The following LRP5 variants were observed in gnomAD, a reference collection of about 807,000 sequenced individuals.
LRP5 encodes the protein low-density lipoprotein receptor-related protein 5.
In LRP5, 62 loss-of-function variants were observed where a neutral mutation model predicts 154.1. That is an observed-to-expected ratio of 0.40 (90% CI 0.33 to 0.50). The LOEUF is 0.50. Ranked by LOEUF, LRP5 falls within the 20% of genes least tolerant of loss-of-function variation. The pLI is 0.55. For missense variants in LRP5, 1,915 were observed against 2,336.7 expected, an observed-to-expected ratio of 0.82 and a Z score of 3.72; for synonymous variants, 966 against 1,011.5, an observed-to-expected ratio of 0.96 and a Z score of 0.85.
chr11:68,425,397 G>A (rs544643003), intron 15 of LRP5, 105 bp downstream of exon 15: 49 of 1,198,084 alleles, frequency 4.1e-5, no homozygotes, highest in Middle Eastern at 2.7e-4. Flanking sequence ...CCAGTGCCGC[G>A]CCAGGGGCTT....
At chr11:68,356,758 A>G (rs966765057) in intron 2 of LRP5, among the ~76,000 whole-genome samples, 1 of 151,928 alleles carries the variant, frequency 6.6e-6, no homozygotes, top group Non-Finnish European at 1.5e-5. Context: ...TCTGTGCTCC[A>G]CTCATTCATC....
At chr11:68,335,597 T>A (rs1055827990) in intron 1 of LRP5, among the ~76,000 whole-genome samples, 1 of 152,070 alleles carries the variant, frequency 6.6e-6, no homozygotes, top group Non-Finnish European at 1.5e-5. Flanking sequence ...TATTGTTGAT[T>A]CATTAACATT....
chr11:68,413,544 G>T lies in LRP5; in HGVS notation c.2504-145G>T. 1.4e-6 allele frequency: 1 copy of T among 735,130 alleles called. No individual in the cohort carries two copies. The highest frequency in any genetic ancestry group is 2.4e-6 in the Non-Finnish European group (1 of 416,064). 45.5% of individuals were successfully genotyped at this position (735,130 alleles called of 1,614,324 possible). On this transcript the variant is annotated intron_variant, in intron 11 of 22. Transcript: ENST00000294304. This position sits in a 1 kb window ranked among gnomAD's most constrained non-coding sequence, Gnocchi z 5.1. ...TGCCTGCGCTTCAGTGGATCTTGCT[G>T]GTTTTCCAAGGTGGCCAAACACTTT...
At chr11:68,395,554 C>G (rs2098648829) in intron 7 of LRP5, among the ~76,000 whole-genome samples, 1 of 152,094 alleles carries the variant, frequency 6.6e-6, no homozygotes, top group Admixed American at 6.5e-5. Flanking sequence ...TGCAGGCCTT[C>G]TCAGCGCCCT....
intron 7 of LRP5, among the ~76,000 whole-genome samples, chr11:68,392,986 C>T (rs538268281): frequency 1.4e-4 from 22 of 152,058 alleles, no homozygotes; most frequent in African/African-American, 5.3e-4. Context: ...GTTAACTGAA[C>T]GTGGTGGTGG....
intron 5 of LRP5, among the ~76,000 whole-genome samples, chr11:68,373,399 C>T (rs1219893741): frequency 2.6e-5 from 4 of 152,112 alleles, no homozygotes; most frequent in African/African-American, 9.7e-5. Context: ...CGGGGGGGGC[C>T]CCGCACTGCT....
At chr11:68,343,920 C>A (rs1390914030) in intron 1 of LRP5, among the ~76,000 whole-genome samples, 1 of 152,122 alleles carries the variant, frequency 6.6e-6, no homozygotes, top group Non-Finnish European at 1.5e-5. Flanking sequence ...GGGGCAGGGA[C>A]CTGGGCTCCT....
chr11:68,425,286 C>T lies in LRP5; in HGVS notation c.3421C>T (p.Leu1141=), dbSNP rs765799138. ...CCTGAAGCGCATTGAGAGCTGTGAC[C>T]TGTCAGGTACGCGCCCCGGGGCCTG... ...ADLKRIESCD[L]SGANRLTLED... The change falls in exon 15 of 23, where the codon CTG becomes TTG. Residue 1141 remains leucine (L), a synonymous_variant. Coordinates refer to ENST00000294304, the MANE Select transcript of LRP5 (RefSeq NM_002335.4). 5.0e-6 allele frequency: 8 copies of T among 1,607,302 alleles called. No individual in the cohort carries two copies. Among genetic ancestry groups the T allele is most frequent in the Admixed American group, 1.7e-5 (1 of 59,948 alleles).
intron 17 of LRP5, 100 bp from the exon 18 acceptor site, chr11:68,433,502 C>A: frequency 2.8e-6 from 3 of 1,062,278 alleles, no homozygotes; most frequent in Non-Finnish European, 4.4e-6. Flanking sequence ...CAAACCCGCG[C>A]TGAGTCCCTC....
intron 5 of LRP5, among the ~76,000 whole-genome samples, chr11:68,376,171 CTTT>C (rs60401481): frequency 1.5e-4 from 14 of 92,828 alleles, no homozygotes; most frequent in Non-Finnish European, 1.6e-4. Context: ...GGCCCTGCTT[CTTT>C]TTTTTTTTTT....
chr11:68,396,407 A>C (rs1216489883), intron 7 of LRP5, among the ~76,000 whole-genome samples: 1 of 151,934 alleles, frequency 6.6e-6, no homozygotes, highest in Admixed American at 6.6e-5. Context: ...GGCTGTGTGG[A>C]GCTGGGCGCT....
chr11:68,382,170 C>G (rs961713789), intron 5 of LRP5, among the ~76,000 whole-genome samples: 1 of 152,202 alleles, frequency 6.6e-6, no homozygotes, highest in African/African-American at 2.4e-5. Context: ...ACAGATTCAC[C>G]CCAGCAGTGA....
rs1565124173 is a variant in LRP5, at chr11:68,445,594, C to T, written c.4489-842C>T. 3 of 1,316,864 alleles carry T rather than the reference C, an allele frequency of 2.3e-6. No homozygotes were observed. In the South Asian group the frequency reaches 3.7e-5, roughly 16 times the overall value. The allele number at this position is 1,316,864 out of a possible 1,614,324, so 81.6% of individuals were successfully genotyped here. On this transcript the variant is annotated intron_variant, in intron 21 of 22. Transcript: ENST00000294304. Reference sequence around the variant, plus strand: ...GCAGGGGCTCGGATCTGGCTGTATGCTTTCCAGGATGGCCTTGGAGACCCA... The same window carrying T: ...GCAGGGGCTCGGATCTGGCTGTATGTTTTCCAGGATGGCCTTGGAGACCCA...
chr11:68,318,895 C>A (rs530294739), intron 1 of LRP5, among the ~76,000 whole-genome samples: 2 of 152,252 alleles, frequency 1.3e-5, no homozygotes, highest in African/African-American at 4.8e-5. Flanking sequence ...GCCTCAGTTT[C>A]CTTTTTTTGT....
chr11:68,420,302 C>A (rs115035695), intron 13 of LRP5, among the ~76,000 whole-genome samples: 1,869 of 152,246 alleles, frequency 0.012, 21 homozygotes, highest in African/African-American at 0.031. Flanking sequence ...GGAATTATAC[C>A]AATATTTGCC....
At chr11:68,421,221 CGTCTCACGCAAAACTCT>C (rs1207896614) in intron 13 of LRP5, among the ~76,000 whole-genome samples, 1 of 152,074 alleles carries the variant, frequency 6.6e-6, no homozygotes, top group Non-Finnish European at 1.5e-5. Context: ...AGCAAGACTC[CGTCTCACGCAAAACTCT>C]GTCTCACGCA....
intron 9 of LRP5, among the ~76,000 whole-genome samples, chr11:68,409,125 A>T (rs2098657766): frequency 7.6e-6 from 1 of 132,144 alleles, no homozygotes; most frequent in South Asian, 2.2e-4. Context: ...CACACATAAT[A>T]TAAAAATATA....
chr11:68,306,723 A>G, the LRP5 span, among the ~76,000 whole-genome samples: 2 of 152,244 alleles, frequency 1.3e-5, no homozygotes, highest in Admixed American at 1.3e-4. Flanking sequence ...TGTGGACCAG[A>G]CTACTTAGTT....
intron 1 of LRP5, among the ~76,000 whole-genome samples, chr11:68,317,170 C>T (rs1329635068): frequency 1.3e-5 from 2 of 152,224 alleles, no homozygotes; most frequent in Admixed American, 6.5e-5. Context: ...CGGCTGGCTC[C>T]GGCTGCTCTC....
Sources: gnomAD v4.1 joint callset for allele counts (sites outside exome capture counted in the v4.1 genomes callset) on GRCh38, gnomAD v4.1.1 for gene constraint, Gnocchi (gnomAD v3.1) non-coding constraint, MANE v1.5 for transcripts, NCBI Gene and HGNC (gene_info 2026-07-23, HGNC 2026-07-21) for gene names.